WWTR1: variants seen among roughly 807,000 people sequenced by gnomAD.
WWTR1 encodes WW domain containing transcription regulator 1, also known as WW domain-containing transcription regulator protein 1.
Under a neutral mutation model 40.1 loss-of-function variants are expected in WWTR1, and 13 were observed. The ratio of observed to expected loss-of-function variants is 0.32; its 90% CI spans 0.21 to 0.52. WWTR1 has a LOEUF of 0.52. Among genes scored for constraint, WWTR1 ranks in the 20% least tolerant of loss-of-function variants. The pLI is 0.97. For synonymous variants in WWTR1, 230 were observed against 210.1 expected (o/e 1.09, Z -0.82); for missense variants, 436 against 523.1 (o/e 0.83, Z 1.63).
At chr3:149,723,062 A>G (rs1715791985) in intron 4 of WWTR1, among the ~76,000 whole-genome samples, 1 of 151,406 alleles carries the variant, frequency 6.6e-6, no homozygotes, top group African/African-American at 2.4e-5. Flanking sequence ...ACCAAGCCAT[A>G]CATTTCCGTT....
chr3:149,564,408 G>A (rs923633564), intron 3 of WWTR1, among the ~76,000 whole-genome samples: 1 of 151,924 alleles, frequency 6.6e-6, no homozygotes, highest in African/African-American at 2.4e-5. Flanking sequence ...ATACACATGG[G>A]GCCTGGAGCC....
intron 5 of WWTR1, among the ~76,000 whole-genome samples, chr3:149,527,148 CTTTTCTTTCTT>C (rs1482155328): frequency 5.3e-5 from 5 of 94,708 alleles, no homozygotes; most frequent in Non-Finnish European, 1.0e-4. Context: ...CATCTCTTTT[CTTTTCTTTCTT>C]TTTTTTTTTT....
intron 3 of WWTR1, among the ~76,000 whole-genome samples, chr3:149,560,445 C>T (rs552918109): frequency 5.3e-5 from 8 of 152,258 alleles, no homozygotes; most frequent in South Asian, 4.1e-4. Flanking sequence ...AGCATGGAGC[C>T]GCCCTGAGCA....
chr3:149,706,980 C>A (rs1715349449), upstream of WWTR1, among the ~76,000 whole-genome samples: 1 of 152,062 alleles, frequency 6.6e-6, no homozygotes, highest in Non-Finnish European at 1.5e-5. Flanking sequence ...CACAAGCCAC[C>A]CCCCAACCCC....
chr3:149,672,491 T>C lies in WWTR1; in HGVS notation c.-107-2600A>G, dbSNP rs150208623. 6.1e-4 allele frequency among the ~76,000 whole-genome samples: 93 copies of C among 152,302 alleles called. No homozygotes were observed. In the East Asian group the frequency reaches 0.014, roughly 24 times the overall value. On this transcript the variant is annotated intron_variant, in intron 1 of 7. Transcript: ENST00000465804. Reference sequence around the variant, plus strand: ...GGGAGCCAGGTAATAGTTTCTACCATGGCCAAGCCTCTAAAGAGTCAAAAA... The same window carrying C: ...GGGAGCCAGGTAATAGTTTCTACCACGGCCAAGCCTCTAAAGAGTCAAAAA...
intron 1 of WWTR1, among the ~76,000 whole-genome samples, chr3:149,681,525 G>T (rs750031842): frequency 2.6e-4 from 39 of 152,232 alleles, no homozygotes; most frequent in African/African-American, 9.4e-4. Context: ...TTAAAATCAG[G>T]TGTTAGTTTT....
At chr3:149,536,346 C>T (rs1047430779) in intron 4 of WWTR1, among the ~76,000 whole-genome samples, 2 of 152,174 alleles carry the variant, frequency 1.3e-5, no homozygotes, top group African/African-American at 2.4e-5. Flanking sequence ...CTATGAAATG[C>T]TTTTCTAAAA....
At chr3:149,681,041 T>TA (rs1559839546) in intron 1 of WWTR1, among the ~76,000 whole-genome samples, 2 of 152,230 alleles carry the variant, frequency 1.3e-5, no homozygotes, top group Non-Finnish European at 2.9e-5. Context: ...ATCTTGTACT[T>TA]ACAGCTTTCA....
At chr3:149,714,511 C>G (rs1715552896) in intron 5 of WWTR1, among the ~76,000 whole-genome samples, 1 of 152,256 alleles carries the variant, frequency 6.6e-6, no homozygotes, top group African/African-American at 2.4e-5. Context: ...CTCAGGGCAC[C>G]GCTGAGACAC....
upstream of WWTR1, chr3:149,658,745 A>G (rs1713420977): frequency 6.6e-6 from 1 of 152,240 alleles, no homozygotes; most frequent in African/African-American, 2.4e-5. Flanking sequence ...ACCATTCATC[A>G]ATCCTTAATT....
At chr3:149,614,060 C>G (rs1022035720) in intron 2 of WWTR1, among the ~76,000 whole-genome samples, 1 of 152,166 alleles carries the variant, frequency 6.6e-6, no homozygotes, top group Non-Finnish European at 1.5e-5. Context: ...GCTTAAATGT[C>G]TTTTGAGGGG....
At chr3:149,710,085 C>T (rs1019706140) in intron 5 of WWTR1, among the ~76,000 whole-genome samples, 3 of 152,092 alleles carry the variant, frequency 2.0e-5, no homozygotes, top group African/African-American at 7.2e-5. Flanking sequence ...TGATTCTCCT[C>T]ACATAAGACT....
At chr3:149,708,401 C>T (rs112854865) in intron 5 of WWTR1, among the ~76,000 whole-genome samples, 8 of 152,182 alleles carry the variant, frequency 5.3e-5, no homozygotes, top group African/African-American at 1.4e-4. Flanking sequence ...CGTTGTACAA[C>T]CAATCTTCAG....
Position 149,519,687 on chromosome 3 carries a change from A to T in WWTR1, c.*1118T>A, listed in dbSNP as rs1427237421. 6.6e-6 allele frequency: 1 copy of T among 152,248 alleles called. No individual in the cohort carries two copies. The highest frequency in any genetic ancestry group is 2.4e-5 in the African/African-American group (1 of 41,462). The allele number at this position is 152,248 out of a possible 1,614,324, so 9.4% of individuals were successfully genotyped here. ...CCGGGTGCGGTGGCTCACGCCAGTA[A>T]TCCCAGCACTTTGGGAGGCCGAGAT... On this transcript the variant is annotated 3_prime_UTR_variant, in exon 7 of 7. Coordinates refer to ENST00000360632, the MANE Select transcript of WWTR1 (RefSeq NM_015472.6).
At chr3:149,626,983 C>T (rs1338413243) in intron 2 of WWTR1, among the ~76,000 whole-genome samples, 1 of 151,968 alleles carries the variant, frequency 6.6e-6, no homozygotes, top group Non-Finnish European at 1.5e-5. Flanking sequence ...AAATCTTAGG[C>T]CAGGTAAGCT....
At chr3:149,553,846 A>G (rs1292728500) in intron 3 of WWTR1, among the ~76,000 whole-genome samples, 1 of 152,154 alleles carries the variant, frequency 6.6e-6, no homozygotes, top group Non-Finnish European at 1.5e-5. Context: ...GGTGTCACGC[A>G]GCCCTGTCTG....
At chr3:149,650,339 A>G (rs1461199628) in intron 2 of WWTR1, among the ~76,000 whole-genome samples, 3 of 152,200 alleles carry the variant, frequency 2.0e-5, no homozygotes, top group African/African-American at 7.2e-5. Context: ...TTGGAATCAC[A>G]GAGTTCTAAT....
At chr3:149,544,725 T>C (rs1333645504) in intron 3 of WWTR1, among the ~76,000 whole-genome samples, 1 of 152,206 alleles carries the variant, frequency 6.6e-6, no homozygotes. Context: ...GAACAACTGC[T>C]GAAGCCTCAG....
At chr3:149,621,266 GC>G (rs1423677708) in intron 2 of WWTR1, among the ~76,000 whole-genome samples, 1 of 152,074 alleles carries the variant, frequency 6.6e-6, no homozygotes, top group Non-Finnish European at 1.5e-5. Context: ...TTGCTTCTTT[GC>G]TGTCTGCTTT....
Sources: gnomAD v4.1 joint callset for allele counts (sites outside exome capture counted in the v4.1 genomes callset) on GRCh38, gnomAD v4.1.1 for gene constraint, MANE v1.5 for transcripts, NCBI Gene and HGNC (gene_info 2026-07-23, HGNC 2026-07-21) for gene names.